The following MACROD2 variants were observed in gnomAD, a reference collection of about 807,000 sequenced individuals.
The protein encoded by MACROD2 is ADP-ribose glycohydrolase MACROD2.
A neutral mutation model predicts 70.4 loss-of-function variants in MACROD2; 36 were observed. That is an observed-to-expected ratio of 0.51 (90% CI 0.39 to 0.68). The LOEUF is 0.68. MACROD2 is among the 30% of genes least tolerant of loss of function. MACROD2 has a pLI of 0.00. For synonymous variants in MACROD2, 172 were observed against 178.8 expected, an observed-to-expected ratio of 0.96 and a Z score of 0.30; for missense variants, 496 against 538.4, an observed-to-expected ratio of 0.92 and a Z score of 0.78.
At chr20:15,444,894 A>G (rs2046542272) in intron 7 of MACROD2, among the ~76,000 whole-genome samples, 1 of 152,168 alleles carries the variant, frequency 6.6e-6, no homozygotes, top group African/African-American at 2.4e-5. Context: ...TGCAAAGATT[A>G]ATTGGATAAT....
At position 15,604,221 on chromosome 20, in the gene MACROD2, T is replaced by C. The variant is rs74772871; in HGVS notation, c.645+104374T>C. On this transcript the variant is annotated intron_variant, in intron 8 of 17. Transcript: ENST00000684519. Reference sequence around the variant, plus strand: ...GCACAGAGTTTTGGCATCCACAAACTCAGTGCAGAGGAGGAAGGATTGATC... The same window carrying C: ...GCACAGAGTTTTGGCATCCACAAACCCAGTGCAGAGGAGGAAGGATTGATC... Among the ~76,000 whole-genome samples the C allele has an allele frequency of 7.9e-3, 1,204 of 152,332 alleles. 19 individuals are homozygous for C. The highest frequency in any genetic ancestry group is 0.027 in the African/African-American group (1,117 of 41,568).
chr20:15,211,074 T>A (rs2076759623), intron 5 of MACROD2, among the ~76,000 whole-genome samples: 1 of 152,198 alleles, frequency 6.6e-6, no homozygotes, highest in Non-Finnish European at 1.5e-5. Context: ...TAAAAAAGAT[T>A]CTATACCCAT....
At chr20:15,938,486 A>C (rs916684273) in intron 12 of MACROD2, among the ~76,000 whole-genome samples, 2 of 152,100 alleles carry the variant, frequency 1.3e-5, no homozygotes, top group South Asian at 4.2e-4. Flanking sequence ...CTTTGGTGTT[A>C]CTATTATAAT....
At chr20:14,478,463 G>A (rs1472191511) in intron 3 of MACROD2, among the ~76,000 whole-genome samples, 12 of 152,132 alleles carry the variant, frequency 7.9e-5, no homozygotes, top group African/African-American at 2.9e-4. Context: ...CTGCTTTCAA[G>A]CTTTTTTTTC....
chr20:15,355,339 T>G (rs2078274699), intron 6 of MACROD2, among the ~76,000 whole-genome samples: 1 of 152,176 alleles, frequency 6.6e-6, no homozygotes, highest in Admixed American at 6.5e-5. Context: ...TTGCTACACC[T>G]ATAATTACAG....
At chr20:14,678,396 C>A (rs971668895) in intron 4 of MACROD2, among the ~76,000 whole-genome samples, 2 of 152,096 alleles carry the variant, frequency 1.3e-5, no homozygotes, top group African/African-American at 4.8e-5. Context: ...AGCAGACTAG[C>A]CACAGTGGTC....
intron 4 of MACROD2, among the ~76,000 whole-genome samples, chr20:14,559,474 T>C (rs1380009229): frequency 6.6e-6 from 1 of 151,796 alleles, no homozygotes; most frequent in Non-Finnish European, 1.5e-5. Flanking sequence ...CTACTAACTT[T>C]ATAGCTCATA....
chr20:14,430,033 G>A (rs1247620467), intron 3 of MACROD2, among the ~76,000 whole-genome samples: 2 of 152,098 alleles, frequency 1.3e-5, no homozygotes, highest in African/African-American at 4.8e-5. Flanking sequence ...CCTTTTCTCA[G>A]CATCTACTTT....
At chr20:15,368,609 G>A (rs953616610) in intron 6 of MACROD2, among the ~76,000 whole-genome samples, 4 of 151,710 alleles carry the variant, frequency 2.6e-5, no homozygotes, top group African/African-American at 9.7e-5. Flanking sequence ...TTACAGGAGC[G>A]CACCACCATG....
In MACROD2 at chr20:14,215,787, G is replaced by A. The variant is rs1159135303; in HGVS notation, c.271+130059G>A. Among the ~76,000 whole-genome samples, 6 of 152,088 alleles carry A rather than the reference G, an allele frequency of 3.9e-5. No homozygotes were observed. The East Asian group carries it at 9.6e-4, about 24-fold the overall frequency. On this transcript the variant is annotated intron_variant, in intron 3 of 17. Coordinates refer to ENST00000684519, the MANE Select transcript of MACROD2 (RefSeq NM_001351661.2). ...AGTGATGTTGAGCATTTTTTCATATGTTTGTTGGCCATTTGTATATCTTCT... is the reference window on the plus strand; with the variant it reads ...AGTGATGTTGAGCATTTTTTCATATATTTGTTGGCCATTTGTATATCTTCT...
chr20:15,899,467 A>G (rs1288498191), intron 10 of MACROD2, among the ~76,000 whole-genome samples: 1 of 152,198 alleles, frequency 6.6e-6, no homozygotes. Flanking sequence ...GCACTTTCTA[A>G]ATTTATGTGT....
At chr20:15,025,865 T>C (rs2075227288) in intron 5 of MACROD2, among the ~76,000 whole-genome samples, 1 of 152,062 alleles carries the variant, frequency 6.6e-6, no homozygotes, top group African/African-American at 2.4e-5. Flanking sequence ...CCTCAACCCA[T>C]TGAGAGCCAC....
At chr20:15,149,535 C>T (rs1009608304) in intron 5 of MACROD2, among the ~76,000 whole-genome samples, 1 of 151,956 alleles carries the variant, frequency 6.6e-6, no homozygotes, top group South Asian at 2.1e-4. Flanking sequence ...TTATGGGAGA[C>T]TCAACAAAGA....
At chr20:14,066,053 TC>T (rs1353772463) in intron 2 of MACROD2, among the ~76,000 whole-genome samples, 2 of 152,204 alleles carry the variant, frequency 1.3e-5, no homozygotes, top group Non-Finnish European at 2.9e-5. Context: ...CATTTTTTTT[TC>T]TTTTTACTAA....
intron 5 of MACROD2, among the ~76,000 whole-genome samples, chr20:15,085,270 C>T (rs1176253174): frequency 6.6e-6 from 1 of 151,934 alleles, no homozygotes; most frequent in East Asian, 1.9e-4. Flanking sequence ...AATGTAAGAG[C>T]CAAAACTGTA....
At chr20:15,431,921 A>T (rs568941600) in intron 7 of MACROD2, among the ~76,000 whole-genome samples, 1 of 151,746 alleles carries the variant, frequency 6.6e-6, no homozygotes, top group African/African-American at 2.4e-5. Flanking sequence ...TAAACTGCAA[A>T]TTTTTTTTTC....
chr20:15,400,950 A>G (rs1225409940), intron 6 of MACROD2, among the ~76,000 whole-genome samples: 4 of 152,154 alleles, frequency 2.6e-5, no homozygotes, highest in Admixed American at 1.3e-4. Context: ...TCTCACATCT[A>G]CTTGTGTCCC....
chr20:15,783,031 T>C (rs6135513), intron 8 of MACROD2, among the ~76,000 whole-genome samples: 1 of 152,162 alleles, frequency 6.6e-6, no homozygotes, highest in Non-Finnish European at 1.5e-5. Context: ...ATTTATCTTT[T>C]ACATTCTTTC....
intron 4 of MACROD2, among the ~76,000 whole-genome samples, chr20:14,616,610 G>T (rs1200596670): frequency 6.6e-6 from 1 of 152,066 alleles, no homozygotes; most frequent in African/African-American, 2.4e-5. Context: ...GATTTTTGCG[G>T]CTTCTTAACC....
Sources: allele counts gnomAD v4.1 joint callset (sites outside exome capture counted in the v4.1 genomes callset), GRCh38; gene constraint gnomAD v4.1.1; transcripts MANE v1.5; gene names NCBI Gene and HGNC (gene_info 2026-07-23, HGNC 2026-07-21).